Variants in VAV2 observed in about 807,000 individuals in gnomAD.
VAV2 encodes the protein guanine nucleotide exchange factor VAV2.
VAV2 carries 67 observed loss-of-function variants against 132.5 expected under a neutral mutation model. The ratio of observed to expected loss-of-function variants is 0.51; its 90% CI spans 0.42 to 0.62. The LOEUF is 0.62. Ranked by LOEUF, VAV2 falls within the 20% of genes least tolerant of loss-of-function variation. VAV2 has a pLI of 0.00. For missense variants in VAV2, 938 were observed against 1,153.6 expected, an observed-to-expected ratio of 0.81 and a Z score of 2.71; for synonymous variants, 492 against 443.5, an observed-to-expected ratio of 1.11 and a Z score of -1.37.
chr9:133,925,359 G>A (rs1840436809), intron 2 of VAV2, among the ~76,000 whole-genome samples: 1 of 152,170 alleles, frequency 6.6e-6, no homozygotes, highest in Non-Finnish European at 1.5e-5. Context: ...TGGGATTACA[G>A]GTGGGTGCCA....
In VAV2 at chr9:133,910,282, C is replaced by T. The variant is rs191488571; in HGVS notation, c.321+28821G>A. ...TCTAGACTGCCTACCTGCAACCCTC[C>T]AAGACGAACAAACCCTGGTGAGTTT... On this transcript the variant is annotated intron_variant, in intron 2 of 29. Coordinates refer to ENST00000371850, the MANE Select transcript of VAV2 (RefSeq NM_001134398.2). 3.3e-3 allele frequency among the ~76,000 whole-genome samples: 498 copies of T among 152,298 alleles called. 1 individual carries two copies. Among genetic ancestry groups the T allele is most frequent in the African/African-American group, 0.011 (453 of 41,556 alleles).
chr9:133,957,470 A>G (rs1186446314), intron 1 of VAV2, among the ~76,000 whole-genome samples: 3 of 152,100 alleles, frequency 2.0e-5, no homozygotes. Flanking sequence ...ACTGGGAATA[A>G]TATGGCATAT....
At chr9:133,899,171 T>C (rs1243593072) in intron 2 of VAV2, among the ~76,000 whole-genome samples, 3 of 151,834 alleles carry the variant, frequency 2.0e-5, no homozygotes, top group African/African-American at 4.8e-5. Context: ...TGGGTATCTT[T>C]AGTCTGCCTC....
chr9:133,811,049 T>C (rs942157154), intron 5 of VAV2, among the ~76,000 whole-genome samples: 2 of 152,182 alleles, frequency 1.3e-5, no homozygotes, highest in African/African-American at 2.4e-5. Flanking sequence ...CATGGCTCAG[T>C]CTTCCAGCCC....
At chr9:133,796,720 T>C (rs1283644467) in intron 10 of VAV2, among the ~76,000 whole-genome samples, 196 bp from the exon 11 acceptor site, 4 of 151,310 alleles carry the variant, frequency 2.6e-5, no homozygotes, top group Non-Finnish European at 5.9e-5. Context: ...AACACATGGC[T>C]CCCACCCTGC....
chr9:133,956,917 A>G (rs1208461824), intron 1 of VAV2, among the ~76,000 whole-genome samples: 1 of 152,220 alleles, frequency 6.6e-6, no homozygotes, highest in African/African-American at 2.4e-5. Context: ...GCTGGGCCAG[A>G]GCTGGTACTT....
At chr9:133,844,712 G>A (rs965421223) in intron 3 of VAV2, among the ~76,000 whole-genome samples, 1 of 152,224 alleles carries the variant, frequency 6.6e-6, no homozygotes. Flanking sequence ...GGGGACCCTC[G>A]GCCGAGCTCA....
chr9:133,796,590 C>G, intron 10 of VAV2, 66 bp from the exon 11 acceptor site: 1 of 1,446,680 alleles, frequency 6.9e-7, no homozygotes, highest in Non-Finnish European at 9.4e-7. Flanking sequence ...CCACCTGTAC[C>G]CCCGCCCACA....
Position 133,992,125 on chromosome 9 carries a change from G to C in VAV2, c.154C>G (p.Pro52Ala). 6.3e-7 allele frequency: 1 copy of C among 1,594,568 alleles called. No individual in the cohort carries two copies. Among genetic ancestry groups the C allele is most frequent in the Non-Finnish European group, 8.5e-7 (1 of 1,171,184 alleles). The change falls in exon 1 of 30, where the codon CCC (proline) becomes GCC (alanine). Residue 52 changes from proline to alanine, a missense_variant. Coordinates refer to ENST00000371850, the MANE Select transcript of VAV2 (RefSeq NM_001134398.2). This position sits in a 1 kb window ranked among gnomAD's most constrained non-coding sequence, Gnocchi z 5.5. ...LLCQLLHNLSPGSIDLKDINF... is the reference protein window; with the variant it reads ...LLCQLLHNLSAGSIDLKDINF... ...ATGTCCTTGAGGTCGATGGAGCCGGGGGAGAGGTTGTGCAGCAGCTGGCAC... is the reference window on the plus strand; with the variant it reads ...ATGTCCTTGAGGTCGATGGAGCCGGCGGAGAGGTTGTGCAGCAGCTGGCAC...
chr9:133,888,298 CGTGA>C, intron 2 of VAV2, among the ~76,000 whole-genome samples: 1 of 152,282 alleles, frequency 6.6e-6, no homozygotes, highest in Non-Finnish European at 1.5e-5. Context: ...TGCACAGCAA[CGTGA>C]GTGTGTTCAG....
At chr9:133,871,304 GTGGA>G (rs1838029387) in intron 2 of VAV2, among the ~76,000 whole-genome samples, 1 of 151,042 alleles carries the variant, frequency 6.6e-6, no homozygotes, top group Non-Finnish European at 1.5e-5. Context: ...AAGTGGGTGG[GTGGA>G]TGGATGAATT....
chr9:133,806,262 T>A (rs989933343), intron 8 of VAV2, 81 bp from the exon 9 acceptor site: 3 of 1,372,522 alleles, frequency 2.2e-6, no homozygotes, highest in Non-Finnish European at 1.0e-6. Flanking sequence ...GTGCCCTTGT[T>A]GTTCTGTAGT....
chr9:133,918,664 C>T lies in VAV2; in HGVS notation c.321+20439G>A, dbSNP rs187976910. On this transcript the variant is annotated intron_variant, in intron 2 of 29. Coordinates refer to ENST00000371850, the MANE Select transcript of VAV2 (RefSeq NM_001134398.2). The surrounding 1 kb of genome is among the most constrained non-coding windows in gnomAD (Gnocchi z 4.7). ...TGCCCGAGGTCGCGCCTTTAATAAA[C>T]ACACAGGCAGACCTCAAATCCAGGC... Among the ~76,000 whole-genome samples, 2 of 152,262 alleles carry T rather than the reference C, an allele frequency of 1.3e-5. No individual in the cohort carries two copies. Among genetic ancestry groups the T allele is most frequent in the East Asian group, 3.9e-4 (2 of 5,178 alleles).
chr9:133,836,323 C>T (rs1212609449), intron 3 of VAV2, among the ~76,000 whole-genome samples: 1 of 152,210 alleles, frequency 6.6e-6, no homozygotes, highest in Non-Finnish European at 1.5e-5. Flanking sequence ...AGGCTTGAAA[C>T]CCCGCTGCCA....
At chr9:133,933,902 G>A (rs1227661311) in intron 2 of VAV2, among the ~76,000 whole-genome samples, 13 of 133,928 alleles carry the variant, frequency 9.7e-5, no homozygotes, top group African/African-American at 2.7e-4. Flanking sequence ...GGATGGATGG[G>A]TGGATGGATG....
intron 2 of VAV2, among the ~76,000 whole-genome samples, chr9:133,938,333 A>T (rs2810524): frequency 6.6e-6 from 1 of 152,100 alleles, no homozygotes; most frequent in African/African-American, 2.4e-5. Flanking sequence ...AGCTATTGAG[A>T]CCCTGATCCC....
intron 1 of VAV2, among the ~76,000 whole-genome samples, chr9:133,972,349 A>G (rs777133141): frequency 5.3e-5 from 8 of 152,138 alleles, no homozygotes; most frequent in Non-Finnish European, 8.8e-5. Flanking sequence ...GAACATCTCC[A>G]GGCTTGCAGC....
rs75717956 is a variant in VAV2, at chr9:133,821,546, C to T, written c.450-9330G>A. ...GGTGCTCAATAAGTGGGAGCATGGC[C>T]TATCACCCCAGAGGGCGAAAGGAGG... On this transcript the variant is annotated intron_variant, in intron 4 of 29. Transcript: ENST00000371850. Among the ~76,000 whole-genome samples the T allele has an allele frequency of 0.012, 1,826 of 152,292 alleles. 65 individuals carry two copies. In the East Asian group the frequency reaches 0.14, roughly 12 times the overall value.
intron 25 of VAV2, among the ~76,000 whole-genome samples, chr9:133,773,160 C>T (rs1320197446): frequency 6.8e-6 from 1 of 146,660 alleles, no homozygotes; most frequent in African/African-American, 2.5e-5. Context: ...CACCCCACAC[C>T]TAGGCTGGAC....
Sources: allele counts gnomAD v4.1 joint callset (sites outside exome capture counted in the v4.1 genomes callset), GRCh38; gene constraint gnomAD v4.1.1; non-coding constraint Gnocchi (gnomAD v3.1); transcripts MANE v1.5; gene names NCBI Gene and HGNC (gene_info 2026-07-23, HGNC 2026-07-21).